The following IMMP2L variants were observed in gnomAD, a reference collection of about 807,000 sequenced individuals.
IMMP2L encodes the protein inner mitochondrial membrane peptidase subunit 2.
IMMP2L carries 18 observed loss-of-function variants against 19.3 expected under a neutral mutation model. That is an observed-to-expected ratio of 0.93 (90% CI 0.64 to 1.38). The LOEUF (loss-of-function observed/expected upper bound fraction) is 1.38, where lower values mean the gene tolerates loss of function less well. Ranked by LOEUF, IMMP2L falls within the 40% of genes most tolerant of loss-of-function variation. IMMP2L has a pLI of 0.00. For synonymous variants in IMMP2L, 76 were observed against 73.0 expected, an observed-to-expected ratio of 1.04 and a Z score of -0.21; for missense variants, 233 against 218.2, an observed-to-expected ratio of 1.07 and a Z score of -0.43.
Position 110,741,508 on chromosome 7 carries a change from G to A in IMMP2L, c.409-77787C>T, listed in dbSNP as rs542647424. On this transcript the variant is annotated intron_variant, in intron 5 of 5. Transcript: ENST00000405709. ...TTGTCCCTTTTTGCCCTTTTTCCACGTGAGGACACACAGCAAGAAGGCACC... is the reference window on the plus strand; with the variant it reads ...TTGTCCCTTTTTGCCCTTTTTCCACATGAGGACACACAGCAAGAAGGCACC... Among the ~76,000 whole-genome samples, 203 of 152,232 alleles carry A rather than the reference G, an allele frequency of 1.3e-3. 1 individual carries two copies. Among genetic ancestry groups the A allele is most frequent in the African/African-American group, 4.5e-3 (185 of 41,552 alleles).
intron 3 of IMMP2L, among the ~76,000 whole-genome samples, chr7:111,102,241 T>C (rs895272957): frequency 1.3e-5 from 2 of 151,560 alleles, no homozygotes; most frequent in African/African-American, 4.8e-5. Context: ...ACATTGACTA[T>C]GATTATAGTT....
chr7:110,682,897 T>C (rs1362333650), intron 5 of IMMP2L, among the ~76,000 whole-genome samples: 1 of 152,060 alleles, frequency 6.6e-6, no homozygotes, highest in Non-Finnish European at 1.5e-5. Context: ...GAGGCAATGC[T>C]AGAAAGCTAC....
intron 2 of IMMP2L, among the ~76,000 whole-genome samples, chr7:111,495,809 G>T (rs999270342): frequency 1.3e-4 from 19 of 151,978 alleles, no homozygotes; most frequent in African/African-American, 4.1e-4. Flanking sequence ...GCCTGGTTTT[G>T]ACCTTACTTC....
intron 5 of IMMP2L, among the ~76,000 whole-genome samples, chr7:110,672,980 C>T (rs1792027857): frequency 6.6e-6 from 1 of 152,202 alleles, no homozygotes; most frequent in Non-Finnish European, 1.5e-5. Flanking sequence ...CACAGTTCCA[C>T]TAGGCAGTGC....
chr7:110,706,659 G>C (rs576895552), intron 5 of IMMP2L, among the ~76,000 whole-genome samples: 8 of 152,208 alleles, frequency 5.3e-5, no homozygotes, highest in Admixed American at 2.6e-4. Flanking sequence ...CTTCTTTCAA[G>C]AAGTGTCCAT....
At chr7:111,301,921 T>TAAAAAA (rs59156229) in intron 3 of IMMP2L, among the ~76,000 whole-genome samples, 162 of 83,154 alleles carry the variant, frequency 1.9e-3, no homozygotes, top group African/African-American at 2.3e-3. Flanking sequence ...TTTCATGCTT[T>TAAAAAA]AAAAAAAAAA....
At chr7:110,890,996 T>C (rs754813163) in intron 4 of IMMP2L, among the ~76,000 whole-genome samples, 17 of 152,098 alleles carry the variant, frequency 1.1e-4, no homozygotes, top group Non-Finnish European at 2.1e-4. Flanking sequence ...CACTCTTAAG[T>C]AGGTCATTTA....
intron 3 of IMMP2L, among the ~76,000 whole-genome samples, chr7:111,340,766 C>G (rs1826930923): frequency 1.3e-5 from 2 of 152,068 alleles, no homozygotes; most frequent in Admixed American, 1.3e-4. Flanking sequence ...AAACATTGAA[C>G]TTCTGTTATA....
At chr7:110,951,245 T>A (rs946270213) in intron 4 of IMMP2L, among the ~76,000 whole-genome samples, 3 of 151,878 alleles carry the variant, frequency 2.0e-5, no homozygotes, top group Non-Finnish European at 2.9e-5. Flanking sequence ...CATTTAAAAA[T>A]CTTTCAAGAG....
At position 110,728,594 on chromosome 7, in the gene IMMP2L, T is replaced by G. The variant is rs1166326679; in HGVS notation, c.409-64873A>C. ...ATAATCAGGGCAGAAGGCTCACCAT[T>G]ATCACATTTTATCTAATCACCTCCT... is the stretch of plus-strand genomic sequence containing the variant. On this transcript the variant is annotated intron_variant, in intron 5 of 5. Coordinates refer to ENST00000405709, the MANE Select transcript of IMMP2L (RefSeq NM_032549.4). This position sits in a 1 kb window ranked among gnomAD's most constrained non-coding sequence, Gnocchi z 4.6. Among the ~76,000 whole-genome samples, 1 of 152,176 alleles carries G rather than the reference T, an allele frequency of 6.6e-6. No homozygotes were observed. Among genetic ancestry groups the G allele is most frequent in the African/African-American group, 2.4e-5 (1 of 41,450 alleles).
At chr7:111,128,608 C>T (rs1025828766) in intron 3 of IMMP2L, among the ~76,000 whole-genome samples, 5 of 152,132 alleles carry the variant, frequency 3.3e-5, no homozygotes, top group Admixed American at 3.3e-4. Flanking sequence ...GAGTGGATCA[C>T]AAGGTCAAGA....
Position 110,758,269 on chromosome 7 carries a change from A to G in IMMP2L, c.409-94548T>C, listed in dbSNP as rs1798148190. On this transcript the variant is annotated intron_variant, in intron 5 of 5. Transcript: ENST00000405709. The surrounding 1 kb of genome is among the most constrained non-coding windows in gnomAD (Gnocchi z 4.6). The stretch of plus-strand genomic sequence containing the variant: ...ACTGGAGTGGACTTAAGAGAATGGG[A>G]GGAGAAAAAACACCAGTTGTGAGTA... 6.6e-6 allele frequency among the ~76,000 whole-genome samples: 1 copy of G among 152,030 alleles called. No homozygotes were observed. The highest frequency in any genetic ancestry group is 2.4e-5 in the African/African-American group (1 of 41,404).
chr7:110,689,221 T>A (rs1427548798), intron 5 of IMMP2L, among the ~76,000 whole-genome samples: 1 of 152,200 alleles, frequency 6.6e-6, no homozygotes, highest in Non-Finnish European at 1.5e-5. Flanking sequence ...TTGTAATTTT[T>A]AAAAAGGAAA....
chr7:111,230,118 G>A (rs578188181), intron 3 of IMMP2L, among the ~76,000 whole-genome samples: 1 of 151,920 alleles, frequency 6.6e-6, no homozygotes, highest in South Asian at 2.1e-4. Flanking sequence ...TGAGTTGCTG[G>A]GGTGACAGGG....
intron 5 of IMMP2L, among the ~76,000 whole-genome samples, chr7:110,695,516 T>C (rs1793819710): frequency 6.6e-6 from 1 of 152,100 alleles, no homozygotes; most frequent in Non-Finnish European, 1.5e-5. Context: ...TTAAAGTGGA[T>C]AATTTTATGT....
chr7:111,390,869 A>G (rs547602036), intron 3 of IMMP2L: 1 of 152,314 alleles, frequency 6.6e-6, no homozygotes, highest in South Asian at 2.1e-4. Context: ...AAAAAAGCAC[A>G]AATGCAGACA....
At chr7:111,144,912 A>T (rs1171367133) in intron 3 of IMMP2L, among the ~76,000 whole-genome samples, 2 of 152,156 alleles carry the variant, frequency 1.3e-5, no homozygotes, top group Admixed American at 1.3e-4. Flanking sequence ...TATGAAAGCA[A>T]AACATGAATA....
intron 3 of IMMP2L, among the ~76,000 whole-genome samples, chr7:111,232,226 A>C (rs1268174245): frequency 6.6e-6 from 1 of 152,024 alleles, no homozygotes; most frequent in African/African-American, 2.4e-5. Context: ...AAAAATTTAT[A>C]ATATTCTCCC....
chr7:111,527,196 G>A (rs1238761171), intron 1 of IMMP2L, among the ~76,000 whole-genome samples: 2 of 151,996 alleles, frequency 1.3e-5, no homozygotes, highest in African/African-American at 4.8e-5. Flanking sequence ...AAGCAAGAGG[G>A]TCACTTCAGG....
Sources: gnomAD v4.1 joint callset for allele counts (sites outside exome capture counted in the v4.1 genomes callset) on GRCh38, gnomAD v4.1.1 for gene constraint, Gnocchi (gnomAD v3.1) non-coding constraint, MANE v1.5 for transcripts, NCBI Gene and HGNC (gene_info 2026-07-23, HGNC 2026-07-21) for gene names.